BPIFC: variants seen among roughly 807,000 people sequenced by gnomAD.
The protein encoded by BPIFC is BPI fold containing family C, also known as BPI fold-containing family C protein.
Under a neutral mutation model 57.6 loss-of-function variants are expected in BPIFC, and 60 were observed. The ratio of observed to expected loss-of-function variants is 1.04; its 90% confidence interval spans 0.85 to 1.29. The LOEUF (loss-of-function observed/expected upper bound fraction) is 1.29, where lower values mean the gene tolerates loss of function less well. Among genes scored for constraint, BPIFC ranks in the 50% most tolerant of loss-of-function variants. The pLI is 0.00. For synonymous variants in BPIFC, 243 were observed against 224.5 expected (o/e 1.08, Z -0.74); for missense variants, 581 against 600.5 (o/e 0.97, Z 0.34).
intron 13 of BPIFC, among the ~76,000 whole-genome samples, chr22:32,429,067 T>G (rs1216996350): frequency 6.6e-6 from 1 of 152,190 alleles, no homozygotes; most frequent in Non-Finnish European, 1.5e-5. Context: ...CTCTTCCGGA[T>G]GCAAAGCTAT....
chr22:32,416,965 A>AT, intron 15 of BPIFC, 120 bp downstream of exon 15: 1 of 944,864 alleles, frequency 1.1e-6, no homozygotes, highest in Non-Finnish European at 1.7e-6. Context: ...TGGATTCATG[A>AT]TAACATGATA....
intron 14 of BPIFC, among the ~76,000 whole-genome samples, chr22:32,418,376 C>T (rs1329978021): frequency 6.6e-6 from 1 of 152,172 alleles, no homozygotes; most frequent in Non-Finnish European, 1.5e-5. Context: ...CAGGGTTTCC[C>T]AGGAGTGGCA....
At chr22:32,453,639 G>T (rs1357000559) in intron 3 of BPIFC, 136 bp from the exon 4 acceptor site, 2 of 1,141,338 alleles carry the variant, frequency 1.8e-6, no homozygotes, top group African/African-American at 1.6e-5. Context: ...CACAAAGTGG[G>T]TATTATTGTC....
At chr22:32,457,587 A>ATCCG (rs1935071049) in intron 2 of BPIFC, among the ~76,000 whole-genome samples, 2 of 151,570 alleles carry the variant, frequency 1.3e-5, no homozygotes, top group African/African-American at 4.9e-5. Flanking sequence ...CCATCCATCC[A>ATCCG]TCCATCCATC....
intron 8 of BPIFC, among the ~76,000 whole-genome samples, chr22:32,440,169 T>C (rs1934524756): frequency 6.6e-6 from 1 of 152,214 alleles, no homozygotes; most frequent in African/African-American, 2.4e-5. Flanking sequence ...TCTCACTTTG[T>C]CACCTAGACT....
At chr22:32,452,374 C>T (rs566722950) in intron 4 of BPIFC, among the ~76,000 whole-genome samples, 5 of 152,164 alleles carry the variant, frequency 3.3e-5, no homozygotes, top group South Asian at 2.1e-4. Context: ...TGGTGGCTCA[C>T]GCCTGTAATC....
At position 32,424,753 on chromosome 22, in the gene BPIFC, C is replaced by CTTCTTCTTCT. The variant is rs1934004717; in HGVS notation, c.1218-5350_1218-5349insAGAAGAAGAA. The stretch of plus-strand genomic sequence containing the variant: ...CCTCTTCTTCTTCCTCTTCTTCTTC[C>CTTCTTCTTCT]TCTTCTTCTTCTTCTTCTTCTTCTT... On this transcript the variant is annotated intron_variant, in intron 13 of 16. Transcript: ENST00000300399. 1.4e-4 allele frequency among the ~76,000 whole-genome samples: 5 copies of CTTCTTCTTCT among 35,486 alleles called. 1 individual carries two copies. Among genetic ancestry groups the CTTCTTCTTCT allele is most frequent in the African/African-American group, 8.2e-4 (4 of 4,888 alleles). The allele number at this position is 35,486 out of a possible 152,430, so 23.3% of individuals were successfully genotyped here. A position where few individuals can be genotyped will look rare whatever the true frequency, so the allele number is the denominator to read the frequency against.
Position 32,464,374 on chromosome 22 carries a change from C to G in BPIFC, c.-89G>C. On this transcript the variant is annotated splice_region_variant and 5_prime_UTR_variant, in exon 1 of 17. Transcript: ENST00000300399. ...CCTGAAGTTTGTTCATGAGTCTTAC[C>G]TCAAGCAGAGGAAGTGTCCAAAGCT... The G allele has an allele frequency of 5.1e-6, 5 of 985,180 alleles. No individual in the cohort carries two copies. Among genetic ancestry groups the G allele is most frequent in the Non-Finnish European group, 6.0e-6 (5 of 829,838 alleles). The allele number at this position is 985,180 out of a possible 1,614,324, so 61.0% of individuals were successfully genotyped here. A position where few individuals can be genotyped will look rare whatever the true frequency, so the allele number is the denominator to read the frequency against.
intron 4 of BPIFC, among the ~76,000 whole-genome samples, chr22:32,449,567 TA>T (rs1934826611): frequency 6.6e-6 from 1 of 152,202 alleles, no homozygotes; most frequent in Non-Finnish European, 1.5e-5. Flanking sequence ...CATGCAGGTC[TA>T]ACCAATTCTT....
intron 13 of BPIFC, among the ~76,000 whole-genome samples, chr22:32,425,138 A>G (rs1228156587): frequency 6.6e-6 from 1 of 152,156 alleles, no homozygotes; most frequent in Admixed American, 6.5e-5. Context: ...ATACTGTGGT[A>G]AGTAAATACT....
In BPIFC at chr22:32,435,850, C is replaced by A; in HGVS notation, c.778G>T (p.Asp260Tyr). ...AAAGGAACTGGTGAGAAGGGGGGGTCGGTGAGGTTTTCCAGTGGGTAGAAT... is the reference window on the plus strand; with the variant it reads ...AAAGGAACTGGTGAGAAGGGGGGGTAGGTGAGGTTTTCCAGTGGGTAGAAT... ...GVFYPLENLT[D>Y]PPFSPVPFVL... Residue 260 changes from aspartate (D) to tyrosine (Y), a missense_variant, in exon 10 of 17, where the codon GAC (aspartate) becomes TAC (tyrosine). Transcript: ENST00000300399. 6.2e-7 allele frequency: 1 copy of A among 1,613,846 alleles called. No individual in the cohort carries two copies.
chr22:32,447,491 G>T, intron 4 of BPIFC, 151 bp from the exon 5 acceptor site: 1 of 886,344 alleles, frequency 1.1e-6, no homozygotes. Flanking sequence ...GGCTGTCTCT[G>T]GGGAACTGCC....
Position 32,431,293 on chromosome 22 carries a change from C to T in BPIFC, c.1217+54G>A. 17 of 1,427,516 alleles carry T rather than the reference C, an allele frequency of 1.2e-5. No homozygotes were observed. The South Asian group carries it at 1.9e-4, about 16-fold the overall frequency. The allele number at this position is 1,427,516 out of a possible 1,614,324, so 88.4% of individuals were successfully genotyped here. A position where few individuals can be genotyped will look rare whatever the true frequency, so the allele number is the denominator to read the frequency against. On this transcript the variant is annotated intron_variant, in intron 13 of 16. Transcript: ENST00000300399. ...TCTTAATGGTCACTTTGTCTCTGAT[C>T]AGTTGACTCACTTATTACTAAGGTG...
chr22:32,453,552 T>C (rs1371369330), intron 3 of BPIFC, 49 bp from the exon 4 acceptor site: 16 of 1,538,484 alleles, frequency 1.0e-5, no homozygotes, highest in African/African-American at 1.4e-5. Context: ...AAGATAATAA[T>C]AGCATAATAA....
intron 10 of BPIFC, among the ~76,000 whole-genome samples, chr22:32,434,151 AT>A (rs1199383104): frequency 4.0e-5 from 6 of 149,528 alleles, no homozygotes; most frequent in Non-Finnish European, 7.4e-5. Flanking sequence ...ATGTGTACAT[AT>A]TCTTTATATA....
chr22:32,431,435 T>C, intron 12 of BPIFC, 21 bp from the exon 13 acceptor site: 1 of 1,534,350 alleles, frequency 6.5e-7, no homozygotes, highest in Non-Finnish European at 9.0e-7. Context: ...TAAAAGCATT[T>C]ATTATTAAGA....
At chr22:32,448,710 C>A (rs62241179) in intron 4 of BPIFC, among the ~76,000 whole-genome samples, 19,859 of 151,952 alleles carry the variant, frequency 0.13, 1,744 homozygotes, top group Non-Finnish European at 0.19. Context: ...GAGGCCGAGG[C>A]GGGCAGATCA....
Position 32,432,085 on chromosome 22 carries a change from A to C in BPIFC, c.1149+288T>G, listed in dbSNP as rs926306. On this transcript the variant is annotated intron_variant, in intron 12 of 16. Coordinates refer to ENST00000300399, the MANE Select transcript of BPIFC (RefSeq NM_174932.3). ...GAGTAGCTAGGATGACAGGTGCACA[A>C]CACCACCACACCTGGCTAATTCAAA... Among the ~76,000 whole-genome samples the C allele has an allele frequency of 0.28, 42,528 of 151,732 alleles. 6,860 individuals carry two copies. Among genetic ancestry groups the C allele is most frequent in the East Asian group, 0.7 (3,618 of 5,148 alleles).
intron 13 of BPIFC, among the ~76,000 whole-genome samples, chr22:32,425,803 A>G (rs1261438108): frequency 2.0e-5 from 3 of 152,134 alleles, no homozygotes; most frequent in South Asian, 2.1e-4. Context: ...TTTATGCTTT[A>G]TGGAGATTAA....
Sources: gnomAD v4.1 joint callset for allele counts (sites outside exome capture counted in the v4.1 genomes callset) on GRCh38, gnomAD v4.1.1 for gene constraint, MANE v1.5 for transcripts, NCBI Gene and HGNC (gene_info 2026-07-23, HGNC 2026-07-21) for gene names.